The following TRAPPC8 variants were observed in gnomAD, a reference collection of about 807,000 sequenced individuals.
The protein encoded by TRAPPC8 is trafficking protein particle complex subunit 8.
In TRAPPC8, 54 loss-of-function variants were observed where a neutral mutation model predicts 174.3. The ratio of observed to expected loss-of-function variants is 0.31; its 90% CI spans 0.25 to 0.39. The LOEUF (loss-of-function observed/expected upper bound fraction) is 0.39, where lower values mean the gene tolerates loss of function less well. TRAPPC8 is among the 10% of genes least tolerant of loss of function. TRAPPC8 has a pLI of 1.00. For synonymous variants in TRAPPC8, 630 were observed against 579.9 expected (o/e 1.09, Z -1.24); for missense variants, 1,531 against 1,699.1 (o/e 0.90, Z 1.74).
Position 31,920,255 on chromosome 18 carries a change from G to C in TRAPPC8, c.353-2588C>G, listed in dbSNP as rs147352077. Among the ~76,000 whole-genome samples the C allele has an allele frequency of 6.6e-5, 10 of 152,268 alleles. No individual in the cohort carries two copies. The South Asian group carries it at 1.7e-3, about 25-fold the overall frequency. On this transcript the variant is annotated intron_variant, in intron 2 of 28. Transcript: ENST00000283351. ...CATATGAAATTGGGTTTGTTTCATG[G>C]TGGAGGTGGAAAGTTCTGAACAAAG... is the stretch of plus-strand genomic sequence containing the variant.
chr18:31,852,506 TA>T lies in TRAPPC8; in HGVS notation c.3503-3del. The stretch of plus-strand genomic sequence containing the variant: ...ATTTTTCAGAGGACTGTGTGGCCGC[TA>T]AAAAACAGGGGAAAACAAACTAATC... On this transcript the variant is annotated splice_region_variant and splice_polypyrimidine_tract_variant and intron_variant, in intron 23 of 28. Coordinates refer to ENST00000283351, the MANE Select transcript of TRAPPC8 (RefSeq NM_014939.5). The T allele has an allele frequency of 6.2e-7, 1 of 1,614,088 alleles. No individual in the cohort carries two copies. The highest frequency in any genetic ancestry group is 2.2e-5 in the East Asian group (1 of 44,876).
At chr18:31,928,586 AAATATGATAGGT>A (rs1409429270) in intron 2 of TRAPPC8, among the ~76,000 whole-genome samples, 2 of 152,146 alleles carry the variant, frequency 1.3e-5, no homozygotes, top group Non-Finnish European at 2.9e-5. Context: ...TTTGTTTTTT[AAATATGATAGGT>A]AATCCCTCTC....
intron 27 of TRAPPC8, among the ~76,000 whole-genome samples, chr18:31,834,008 AAAAAAC>A (rs1229213696): frequency 6.6e-6 from 1 of 151,162 alleles, no homozygotes; most frequent in Non-Finnish European, 1.5e-5. Flanking sequence ...TCTCAAAAAA[AAAAAAC>A]AAAAAACAGA....
chr18:31,923,563 A>G (rs1026493779), intron 2 of TRAPPC8, among the ~76,000 whole-genome samples: 14 of 152,196 alleles, frequency 9.2e-5, no homozygotes, highest in African/African-American at 2.9e-4. Flanking sequence ...ATCTGAATAT[A>G]TAAGAATTAA....
chr18:31,879,935 T>C (rs1174300592), intron 12 of TRAPPC8, among the ~76,000 whole-genome samples: 2 of 146,548 alleles, frequency 1.4e-5, no homozygotes, highest in Non-Finnish European at 3.0e-5. Flanking sequence ...AAATCTTGAA[T>C]AGGTCATTAA....
In TRAPPC8 at chr18:31,907,438, T is replaced by G. The variant is rs1234092892; in HGVS notation, c.1389+22A>C. On this transcript the variant is annotated intron_variant, in intron 9 of 28. Coordinates refer to ENST00000283351, the MANE Select transcript of TRAPPC8 (RefSeq NM_014939.5). ...ATTTATGGTAGCAGAATTAAGGAAT[T>G]ATAATACCATAGAATACCAACCAAG... The G allele has an allele frequency of 7.1e-6, 11 of 1,549,008 alleles. No individual in the cohort carries two copies. In the Admixed American group the frequency reaches 2.2e-4, roughly 30 times the overall value.
intron 20 of TRAPPC8, 39 bp from the exon 21 acceptor site, chr18:31,855,846 A>G: frequency 1.3e-6 from 2 of 1,567,236 alleles, no homozygotes; most frequent in Non-Finnish European, 1.7e-6. Flanking sequence ...ATTTAAGCAC[A>G]GAGTCTCTAT....
intron 12 of TRAPPC8, among the ~76,000 whole-genome samples, chr18:31,875,111 T>C (rs12957331): frequency 0.62 from 93,540 of 151,932 alleles, 29,225 homozygotes; most frequent in South Asian, 0.76. Context: ...ACTTCAACAT[T>C]TAAAATGGTC....
intron 1 of TRAPPC8, among the ~76,000 whole-genome samples, chr18:31,938,077 T>C (rs1410800701): frequency 1.3e-5 from 2 of 152,198 alleles, no homozygotes; most frequent in East Asian, 3.8e-4. Flanking sequence ...AGTTAGTGTT[T>C]AAGTGAAATT....
intron 26 of TRAPPC8, among the ~76,000 whole-genome samples, chr18:31,845,395 C>G (rs1437413606): frequency 6.7e-6 from 1 of 150,298 alleles, no homozygotes; most frequent in Non-Finnish European, 1.5e-5. Context: ...CCTTTGATAG[C>G]ATTTGAATAT....
At chr18:31,921,502 A>G (rs1256781772) in intron 2 of TRAPPC8, among the ~76,000 whole-genome samples, 1 of 151,970 alleles carries the variant, frequency 6.6e-6, no homozygotes, top group Non-Finnish European at 1.5e-5. Context: ...CTGTAATCCC[A>G]GCTACTCGGA....
chr18:31,864,868 T>C, intron 18 of TRAPPC8, 87 bp from the exon 19 acceptor site: 1 of 1,170,860 alleles, frequency 8.5e-7, no homozygotes, highest in South Asian at 1.7e-5. Context: ...ATTGTAAGTT[T>C]CAGATTATTT....
At chr18:31,833,776 G>T (rs2032523186) in intron 27 of TRAPPC8, among the ~76,000 whole-genome samples, 1 of 152,040 alleles carries the variant, frequency 6.6e-6, no homozygotes, top group South Asian at 2.1e-4. Flanking sequence ...GACCGAGGCG[G>T]GCGGATCACA....
chr18:31,857,636 T>A lies in TRAPPC8; in HGVS notation c.3092A>T (p.Gln1031Leu), dbSNP rs778364922. The A allele has an allele frequency of 1.4e-5, 22 of 1,614,166 alleles. No individual in the cohort carries two copies. The South Asian group carries it at 2.4e-4, about 18-fold the overall frequency. ...AGGCCCACGTAACCACATTGGCAGCTGCACTGAGGCTCCGGGTAGAAGAAC... is the reference window on the plus strand; with the variant it reads ...AGGCCCACGTAACCACATTGGCAGCAGCACTGAGGCTCCGGGTAGAAGAAC... ...DTVLLPGASVQLPMWLRGPDE... is the reference protein window; with the variant it reads ...DTVLLPGASVLLPMWLRGPDE... Residue 1031 changes from glutamine (Q) to leucine (L), a missense_variant, in exon 20 of 29, where the codon CAG becomes CTG. Gln to Leu is a moderately radical substitution (Grantham distance 113). Transcript: ENST00000283351.
At chr18:31,892,222 C>G (rs1241295715) in intron 11 of TRAPPC8, among the ~76,000 whole-genome samples, 1 of 152,134 alleles carries the variant, frequency 6.6e-6, no homozygotes, top group African/African-American at 2.4e-5. Context: ...AGTAACTATT[C>G]TTTACAGCTT....
intron 21 of TRAPPC8, among the ~76,000 whole-genome samples, chr18:31,854,965 CAAAAA>C (rs71175798): frequency 2.8e-4 from 13 of 45,648 alleles, no homozygotes; most frequent in East Asian, 6.9e-4. Flanking sequence ...GACTCCATCT[CAAAAA>C]AAAAAAAAAA....
intron 11 of TRAPPC8, among the ~76,000 whole-genome samples, chr18:31,892,339 G>C (rs1456547059): frequency 6.6e-6 from 1 of 152,000 alleles, no homozygotes; most frequent in Non-Finnish European, 1.5e-5. Flanking sequence ...TACGTAAGTG[G>C]TATTTATATG....
intron 9 of TRAPPC8, among the ~76,000 whole-genome samples, chr18:31,902,843 A>T (rs921427885): frequency 2.0e-5 from 3 of 152,034 alleles, no homozygotes; most frequent in South Asian, 2.1e-4. Context: ...ATGTCAGGAT[A>T]TCGAGACCAT....
At chr18:31,886,074 T>A (rs2035697477) in intron 12 of TRAPPC8, among the ~76,000 whole-genome samples, 1 of 150,504 alleles carries the variant, frequency 6.6e-6, no homozygotes, top group South Asian at 2.1e-4. Flanking sequence ...GGTGCAATCT[T>A]GGGTCACTGC....
Sources: gnomAD v4.1 joint callset for allele counts (sites outside exome capture counted in the v4.1 genomes callset) on GRCh38, gnomAD v4.1.1 for gene constraint, MANE v1.5 for transcripts, NCBI Gene and HGNC (gene_info 2026-07-23, HGNC 2026-07-21) for gene names.